The following FRY variants were observed in gnomAD, a reference collection of about 807,000 sequenced individuals.
FRY encodes the protein protein furry homolog.
In FRY, 128 loss-of-function variants were observed where a neutral mutation model predicts 348.4. The ratio of observed to expected loss-of-function variants is 0.37; its 90% CI spans 0.32 to 0.43. The LOEUF (loss-of-function observed/expected upper bound fraction) is 0.43. Among genes scored for constraint, FRY ranks in the 20% least tolerant of loss-of-function variants. The pLI, the probability that FRY is intolerant of heterozygous loss-of-function variation, is 1.00. For missense variants in FRY, 2,736 were observed against 3,695.2 expected, an observed-to-expected ratio of 0.74 and a Z score of 6.73; for synonymous variants, 1,370 against 1,374.7, an observed-to-expected ratio of 1.00 and a Z score of 0.08.
chr13:32,178,494 T>G, intron 21 of FRY, 58 bp downstream of exon 21: 1 of 1,577,544 alleles, frequency 6.3e-7, no homozygotes, highest in South Asian at 1.1e-5. Flanking sequence ...CCTCTTAAAT[T>G]TTCATTTTGT....
intron 2 of FRY, chr13:32,086,060 C>T (rs778055957): frequency 3.6e-5 from 18 of 500,988 alleles, no homozygotes; most frequent in African/African-American, 5.8e-5. Flanking sequence ...GAGGTAAGTC[C>T]GCCTCTGAGG....
intron 47 of FRY, among the ~76,000 whole-genome samples, chr13:32,244,663 A>G (rs924203352): frequency 3.9e-5 from 6 of 152,220 alleles, no homozygotes; most frequent in Non-Finnish European, 8.8e-5. Context: ...ATACTGCAAC[A>G]AACAAACAAA....
chr13:32,262,254 T>C (rs1279974063), intron 52 of FRY, 60 bp from the exon 53 acceptor site: 6 of 1,362,288 alleles, frequency 4.4e-6, no homozygotes, highest in Non-Finnish European at 6.3e-6. Context: ...AGAGAATAAA[T>C]GGAGCTTTTA....
chr13:32,047,602 C>G (rs1016884414), intron 1 of FRY, among the ~76,000 whole-genome samples: 5 of 147,624 alleles, frequency 3.4e-5, no homozygotes, highest in Non-Finnish European at 6.0e-5. Flanking sequence ...CAGAGTTTCA[C>G]TCTTGTTGCC....
chr13:32,175,976 T>G (rs1405451069), intron 20 of FRY, among the ~76,000 whole-genome samples: 1 of 152,218 alleles, frequency 6.6e-6, no homozygotes, highest in East Asian at 1.9e-4. Flanking sequence ...TAACTTCTAT[T>G]TATGTGGTAC....
intron 35 of FRY, among the ~76,000 whole-genome samples, chr13:32,217,707 G>C (rs1368229351): frequency 6.6e-6 from 1 of 152,134 alleles, no homozygotes; most frequent in African/African-American, 2.4e-5. Context: ...CACTAGACAA[G>C]GTGTATAACT....
At chr13:32,087,917 A>G (rs745483308) in intron 2 of FRY, among the ~76,000 whole-genome samples, 1 of 152,228 alleles carries the variant, frequency 6.6e-6, no homozygotes, top group African/African-American at 2.4e-5. Flanking sequence ...GTAATTTACT[A>G]ATCATCTTCA....
intron 11 of FRY, among the ~76,000 whole-genome samples, chr13:32,143,336 A>G (rs776007509): frequency 6.6e-6 from 1 of 152,226 alleles, no homozygotes; most frequent in South Asian, 2.1e-4. Flanking sequence ...CTAAAAACCA[A>G]TTAACAGTAC....
rs570638962 is a variant in FRY at position 32,185,277 on chromosome 13, C to T, written c.3319+129C>T. The stretch of plus-strand genomic sequence containing the variant: ...CTGGGATGGTGAAGTTTATTTACTT[C>T]GAGATACTAGGACATATATATGAGA... On this transcript the variant is annotated intron_variant, in intron 26 of 60. Transcript: ENST00000542859. 285 of 767,912 alleles carry T rather than the reference C, an allele frequency of 3.7e-4. 3 individuals carry two copies. In the South Asian group the frequency reaches 3.9e-3, roughly 10 times the overall value. The allele number at this position is 767,912 out of a possible 1,614,324, so 47.6% of individuals were successfully genotyped here.
chr13:32,074,474 G>A (rs1387681563), intron 1 of FRY, among the ~76,000 whole-genome samples: 3 of 152,088 alleles, frequency 2.0e-5, no homozygotes, highest in Non-Finnish European at 2.9e-5. Flanking sequence ...CCCACCACAG[G>A]AGCACTGGTT....
At position 32,267,347 on chromosome 13, in the gene FRY, C is replaced by T. The variant is rs1234002257; in HGVS notation, c.8124C>T (p.Ser2708=). ...CTGTGTATACATTTCATGTGTTCTC[C>T]TCCTTGTTTAAGGTATGTGTGCTCA... ...SCAVYTFHVF[S]SLFKNIQKRF... The change falls in exon 55 of 61, where the codon TCC becomes TCT. Residue 2708 remains serine (S), a synonymous_variant. Coordinates refer to ENST00000542859, the MANE Select transcript of FRY (RefSeq NM_023037.3). 4 of 1,613,960 alleles carry T rather than the reference C, an allele frequency of 2.5e-6. No homozygotes were observed. The highest frequency in any genetic ancestry group is 3.3e-5 in the Admixed American group (2 of 60,026).
At chr13:32,261,932 G>A (rs896694751) in intron 52 of FRY, 116 bp downstream of exon 52, 23 of 939,022 alleles carry the variant, frequency 2.4e-5, no homozygotes, top group Admixed American at 2.4e-4. Context: ...AACTAAAATC[G>A]GAACTGTCAG....
chr13:32,105,748 T>C (rs998628021), intron 3 of FRY, among the ~76,000 whole-genome samples: 1 of 152,178 alleles, frequency 6.6e-6, no homozygotes, highest in Non-Finnish European at 1.5e-5. Flanking sequence ...AAGTGCATCC[T>C]TTGAACAACA....
intron 31 of FRY, among the ~76,000 whole-genome samples, chr13:32,206,643 A>G (rs1000777028): frequency 3.9e-5 from 6 of 152,160 alleles, no homozygotes; most frequent in Non-Finnish European, 5.9e-5. Flanking sequence ...GAGAAGAGAG[A>G]AACAGTCCAG....
chr13:32,168,548 A>C (rs1881881999), intron 17 of FRY, among the ~76,000 whole-genome samples: 1 of 152,284 alleles, frequency 6.6e-6, no homozygotes, highest in Non-Finnish European at 1.5e-5. Context: ...TGAATGAAAT[A>C]TAAAGAAAGT....
chr13:32,201,628 CATTAA>C (rs1254705379), intron 29 of FRY, among the ~76,000 whole-genome samples: 3 of 54,020 alleles, frequency 5.6e-5, no homozygotes, highest in Non-Finnish European at 1.3e-4. Flanking sequence ...GCATTAAAGT[CATTAA>C]AGTCCGTTTG....
chr13:32,129,251 G>A (rs1422473084), intron 7 of FRY, among the ~76,000 whole-genome samples: 1 of 152,108 alleles, frequency 6.6e-6, no homozygotes, highest in African/African-American at 2.4e-5. Flanking sequence ...CTTTTTATAA[G>A]CTGTATGCCC....
chr13:32,109,717 T>G (rs910637135), intron 3 of FRY, among the ~76,000 whole-genome samples: 2 of 152,048 alleles, frequency 1.3e-5, no homozygotes, highest in Non-Finnish European at 2.9e-5. Context: ...AAACTATACT[T>G]GGGGGCAGAA....
At chr13:32,271,191 A>G (rs1222995414) in intron 55 of FRY, among the ~76,000 whole-genome samples, 1 of 152,210 alleles carries the variant, frequency 6.6e-6, no homozygotes, top group Non-Finnish European at 1.5e-5. Flanking sequence ...CCAGGTGGAA[A>G]AGGAGTACAG....
Sources: gnomAD v4.1 joint callset for allele counts (sites outside exome capture counted in the v4.1 genomes callset) on GRCh38, gnomAD v4.1.1 for gene constraint, MANE v1.5 for transcripts, NCBI Gene and HGNC (gene_info 2026-07-23, HGNC 2026-07-21) for gene names.